ADAMTS2: variants seen among roughly 807,000 people sequenced by gnomAD.
The protein encoded by ADAMTS2 is A disintegrin and metalloproteinase with thrombospondin motifs 2.
Under a neutral mutation model 123.0 loss-of-function variants are expected in ADAMTS2, and 50 were observed. The ratio of observed to expected loss-of-function variants is 0.41; its 90% confidence interval spans 0.32 to 0.51. ADAMTS2 has a LOEUF of 0.51. Among genes scored for constraint, ADAMTS2 ranks in the 20% least tolerant of loss-of-function variants. The pLI is 0.35. For missense variants in ADAMTS2, 1,494 were observed against 1,705.2 expected (o/e 0.88, Z 2.18); for synonymous variants, 678 against 695.4 (o/e 0.98, Z 0.39).
chr5:179,161,772 C>T (rs148761559), intron 5 of ADAMTS2, among the ~76,000 whole-genome samples: 24 of 152,218 alleles, frequency 1.6e-4, no homozygotes, highest in African/African-American at 4.6e-4. Flanking sequence ...ATTGCATACA[C>T]GTGTCTAAAT....
intron 17 of ADAMTS2, among the ~76,000 whole-genome samples, chr5:179,126,657 C>A (rs1471429673): frequency 6.6e-6 from 1 of 152,238 alleles, no homozygotes; most frequent in Admixed American, 6.5e-5. Flanking sequence ...TGCTTGACAC[C>A]CCACCGTGCA....
At chr5:179,199,980 A>G (rs1243752232) in intron 4 of ADAMTS2, among the ~76,000 whole-genome samples, 1 of 152,208 alleles carries the variant, frequency 6.6e-6, no homozygotes, top group Non-Finnish European at 1.5e-5. Flanking sequence ...AGAGACAGAG[A>G]GACAGAGACT....
chr5:179,194,123 A>T (rs1764365537), intron 4 of ADAMTS2, among the ~76,000 whole-genome samples: 1 of 152,182 alleles, frequency 6.6e-6, no homozygotes, highest in Non-Finnish European at 1.5e-5. Flanking sequence ...GAGGCCAAGG[A>T]CAGGATGCTG....
chr5:179,168,066 G>A (rs1261423271), intron 5 of ADAMTS2, among the ~76,000 whole-genome samples: 1 of 152,194 alleles, frequency 6.6e-6, no homozygotes, highest in African/African-American at 2.4e-5. Context: ...AGGGAGGTTG[G>A]GTTCTGGTGA....
At chr5:179,265,599 C>A (rs879578558) in intron 3 of ADAMTS2, among the ~76,000 whole-genome samples, 1 of 152,202 alleles carries the variant, frequency 6.6e-6, no homozygotes, top group Non-Finnish European at 1.5e-5. Flanking sequence ...AGAGAGCCAG[C>A]CAGGCCCGGG....
At chr5:179,124,909 G>A (rs1171525328) in intron 19 of ADAMTS2, 64 bp downstream of exon 19, 7 of 1,596,914 alleles carry the variant, frequency 4.4e-6, no homozygotes, top group African/African-American at 1.4e-5. Flanking sequence ...CGCACGGAGC[G>A]CACCTGCATG....
intron 4 of ADAMTS2, among the ~76,000 whole-genome samples, chr5:179,207,030 T>C (rs1764715413): frequency 6.6e-6 from 1 of 152,140 alleles, no homozygotes; most frequent in South Asian, 2.1e-4. Context: ...AATCTCTACT[T>C]TAAACAGAAA....
At chr5:179,245,781 A>AC (rs1363369049) in intron 3 of ADAMTS2, among the ~76,000 whole-genome samples, 2,634 of 133,600 alleles carry the variant, frequency 0.02, 233 homozygotes, top group African/African-American at 0.069. Flanking sequence ...AAAAAAAAAA[A>AC]AAAAAAAAAA....
At chr5:179,250,803 G>A (rs1765902316) in intron 3 of ADAMTS2, among the ~76,000 whole-genome samples, 1 of 152,198 alleles carries the variant, frequency 6.6e-6, no homozygotes, top group African/African-American at 2.4e-5. Flanking sequence ...TGGCTGATGG[G>A]AGGCCAATGT....
chr5:179,186,471 G>A lies in ADAMTS2; in HGVS notation c.892-5316C>T, dbSNP rs375285992. ...TGTCCTTGTCCTCCGTGGGCCTGAG[G>A]AGTGAGCCCCGTCCTGCCCCCTCTA... On this transcript the variant is annotated intron_variant, in intron 4 of 21. Transcript: ENST00000251582. Among the ~76,000 whole-genome samples the A allele has an allele frequency of 3.8e-4, 58 of 152,280 alleles. No individual in the cohort carries two copies. In the South Asian group the frequency reaches 0.011, roughly 30 times the overall value.
intron 5 of ADAMTS2, among the ~76,000 whole-genome samples, chr5:179,171,552 G>A (rs1763814487): frequency 1.3e-5 from 2 of 152,206 alleles, no homozygotes; most frequent in African/African-American, 2.4e-5. Flanking sequence ...CAGCGGGCAG[G>A]CCCGGCTCTT....
At chr5:179,288,088 C>A (rs1276469417) in intron 2 of ADAMTS2, among the ~76,000 whole-genome samples, 2 of 152,204 alleles carry the variant, frequency 1.3e-5, no homozygotes, top group Non-Finnish European at 2.9e-5. Flanking sequence ...GCCAGAGGAC[C>A]CCCCCTTTCA....
chr5:179,243,434 G>C (rs576589290), intron 3 of ADAMTS2, among the ~76,000 whole-genome samples: 2 of 152,264 alleles, frequency 1.3e-5, no homozygotes, highest in East Asian at 3.9e-4. Context: ...TGTCATCCCG[G>C]GATGACCCTG....
chr5:179,299,149 A>G (rs750193218), intron 2 of ADAMTS2, among the ~76,000 whole-genome samples: 28 of 151,972 alleles, frequency 1.8e-4, no homozygotes, highest in Non-Finnish European at 3.8e-4. Context: ...ACAAGATCTC[A>G]CTTCTGAGTG....
rs912424055 is a variant in ADAMTS2 at position 179,314,945 on chromosome 5, C to T, written c.534+28822G>A. On this transcript the variant is annotated intron_variant, in intron 2 of 21. Coordinates refer to ENST00000251582, the MANE Select transcript of ADAMTS2 (RefSeq NM_014244.5). This position sits in a 1 kb window ranked among gnomAD's most constrained non-coding sequence, Gnocchi z 4.5. Reference sequence around the variant, plus strand: ...CTCTTTCCTGACATTAAGCGACTCCCCTCCCAGAGCCTAATCACAGCCAGC... The same window carrying T: ...CTCTTTCCTGACATTAAGCGACTCCTCTCCCAGAGCCTAATCACAGCCAGC... Among the ~76,000 whole-genome samples, 11 of 152,272 alleles carry T rather than the reference C, an allele frequency of 7.2e-5. No homozygotes were observed. Among genetic ancestry groups the T allele is most frequent in the East Asian group, 1.9e-4 (1 of 5,184 alleles).
intron 5 of ADAMTS2, among the ~76,000 whole-genome samples, chr5:179,163,456 G>A (rs1763637511): frequency 6.6e-6 from 1 of 152,306 alleles, no homozygotes; most frequent in Non-Finnish European, 1.5e-5. Context: ...CAGGTCAATC[G>A]TGAAATCTGG....
chr5:179,188,019 C>T lies in ADAMTS2; in HGVS notation c.892-6864G>A, dbSNP rs571521604. Among the ~76,000 whole-genome samples, 410 of 152,008 alleles carry T rather than the reference C, an allele frequency of 2.7e-3. 3 individuals are homozygous for T. Among genetic ancestry groups the T allele is most frequent in the African/African-American group, 9.6e-3 (396 of 41,430 alleles). ...TGCTGGGCAGAGGTGACTTTGTCCT[C>T]TGCCAAGGTGGGGGAGGGGTGCAGA... On this transcript the variant is annotated intron_variant, in intron 4 of 21. Transcript: ENST00000251582. This position sits in a 1 kb window ranked among gnomAD's most constrained non-coding sequence, Gnocchi z 5.1.
chr5:179,162,151 G>A lies in ADAMTS2; in HGVS notation c.976-3272C>T, dbSNP rs370503305. ...GGTCCTAAGCCCCATGTAGTGGGAC[G>A]GTCCCTTCCGATGCCCTGGTGGGTT... On this transcript the variant is annotated intron_variant, in intron 5 of 21. Transcript: ENST00000251582. The surrounding 1 kb of genome is among the most constrained non-coding windows in gnomAD (Gnocchi z 5.1). Among the ~76,000 whole-genome samples, 2 of 152,162 alleles carry A rather than the reference G, an allele frequency of 1.3e-5. No homozygotes were observed. Among genetic ancestry groups the A allele is most frequent in the African/African-American group, 2.4e-5 (1 of 41,446 alleles).
chr5:179,172,434 C>T (rs892065508), intron 5 of ADAMTS2, among the ~76,000 whole-genome samples: 3 of 152,248 alleles, frequency 2.0e-5, no homozygotes, highest in African/African-American at 4.8e-5. Flanking sequence ...GCAGGCAAGG[C>T]GCATGAGGGG....
Sources: gnomAD v4.1 joint callset for allele counts (sites outside exome capture counted in the v4.1 genomes callset) on GRCh38, gnomAD v4.1.1 for gene constraint, Gnocchi (gnomAD v3.1) non-coding constraint, MANE v1.5 for transcripts, NCBI Gene and HGNC (gene_info 2026-07-23, HGNC 2026-07-21) for gene names.